The following CCDC102B variants were observed in gnomAD, a reference collection of about 807,000 sequenced individuals.
CCDC102B encodes coiled-coil domain-containing protein 102B.
CCDC102B carries 75 observed loss-of-function variants against 57.4 expected under a neutral mutation model. That is an observed-to-expected ratio of 1.31 (90% CI 1.08 to 1.58). The LOEUF is 1.58. CCDC102B is among the 40% of genes most tolerant of loss of function. The probability of loss-of-function intolerance (pLI) is 0.00; values close to 1 mark genes in which losing one functional copy is unlikely to be tolerated. For synonymous variants in CCDC102B, 206 were observed against 201.9 expected, an observed-to-expected ratio of 1.02 and a Z score of -0.17; for missense variants, 636 against 582.6, an observed-to-expected ratio of 1.09 and a Z score of -0.94.
chr18:68,876,746 T>A (rs945981429), intron 5 of CCDC102B, among the ~76,000 whole-genome samples: 1 of 152,186 alleles, frequency 6.6e-6, no homozygotes, highest in Non-Finnish European at 1.5e-5. Flanking sequence ...ATTCTGGGTT[T>A]ATATTGACAA....
At chr18:68,962,243 G>A (rs902006660) in intron 6 of CCDC102B, among the ~76,000 whole-genome samples, 1 of 152,014 alleles carries the variant, frequency 6.6e-6, no homozygotes, top group Non-Finnish European at 1.5e-5. Context: ...ACTCCTTGGA[G>A]TCTCCCTTGG....
intron 2 of CCDC102B, among the ~76,000 whole-genome samples, chr18:68,722,443 C>G (rs1230891743): frequency 6.6e-6 from 1 of 152,154 alleles, no homozygotes; most frequent in East Asian, 1.9e-4. Context: ...AGACACCCCA[C>G]CACCATGAAC....
chr18:68,892,412 T>C (rs909425738), intron 5 of CCDC102B, among the ~76,000 whole-genome samples: 3 of 152,188 alleles, frequency 2.0e-5, no homozygotes, highest in Non-Finnish European at 4.4e-5. Context: ...TTTTCTCTTC[T>C]GCACCATCCC....
intron 1 of CCDC102B, among the ~76,000 whole-genome samples, chr18:68,716,102 T>A (rs889720416): frequency 3.3e-5 from 5 of 151,612 alleles, no homozygotes; most frequent in Admixed American, 3.3e-4. Context: ...TTTCTTTTTC[T>A]TTCTCTTTTC....
chr18:68,825,437 C>T (rs1174523634), intron 1 of CCDC102B, among the ~76,000 whole-genome samples: 2 of 152,120 alleles, frequency 1.3e-5, no homozygotes, highest in Non-Finnish European at 2.9e-5. Context: ...GGTCTGTAAT[C>T]CCCGCACTTT....
intron 2 of CCDC102B, among the ~76,000 whole-genome samples, chr18:68,790,104 C>G (rs552849198): frequency 0.033 from 4,743 of 144,982 alleles, 189 homozygotes; most frequent in South Asian, 0.067. Context: ...AGGTGTCAGT[C>G]TGCCCCTGCT....
chr18:68,900,613 A>G (rs987743772), intron 6 of CCDC102B, among the ~76,000 whole-genome samples: 1 of 152,150 alleles, frequency 6.6e-6, no homozygotes, highest in South Asian at 2.1e-4. Context: ...AAAGTGGGGT[A>G]TACATGTCAC....
intron 2 of CCDC102B, among the ~76,000 whole-genome samples, chr18:68,723,959 A>G (rs1373150054): frequency 7.2e-5 from 11 of 152,194 alleles, no homozygotes; most frequent in Admixed American, 7.2e-4. Flanking sequence ...TGCCTCTGTA[A>G]CAAACTTCTG....
chr18:68,741,148 G>A (rs1168528528), intron 2 of CCDC102B, among the ~76,000 whole-genome samples: 5 of 152,216 alleles, frequency 3.3e-5, no homozygotes, highest in Non-Finnish European at 2.9e-5. Context: ...AGCGCAAATA[G>A]TGTTAACTTT....
intron 3 of CCDC102B, among the ~76,000 whole-genome samples, chr18:68,842,658 G>C (rs2037687481): frequency 6.6e-6 from 1 of 152,130 alleles, no homozygotes; most frequent in African/African-American, 2.4e-5. Flanking sequence ...TCCAGAGGCA[G>C]CGGTGGCCTC....
At chr18:68,739,145 C>T (rs1254181102) in intron 2 of CCDC102B, among the ~76,000 whole-genome samples, 1 of 152,084 alleles carries the variant, frequency 6.6e-6, no homozygotes, top group Non-Finnish European at 1.5e-5. Context: ...CAGGCATGTA[C>T]CACCATGCCC....
chr18:68,820,522 G>A (rs915233751), intron 1 of CCDC102B, among the ~76,000 whole-genome samples: 7 of 151,968 alleles, frequency 4.6e-5, no homozygotes, highest in African/African-American at 1.7e-4. Context: ...CTTGTTATCA[G>A]GGTTTTATTG....
intron 6 of CCDC102B, chr18:68,899,825 C>T (rs2040376590): frequency 6.6e-6 from 1 of 152,038 alleles, no homozygotes; most frequent in Admixed American, 6.6e-5. Context: ...ATAGAGAATG[C>T]ATTTTTAAAG....
chr18:68,818,465 C>T (rs556499122), intron 1 of CCDC102B, among the ~76,000 whole-genome samples: 17 of 152,210 alleles, frequency 1.1e-4, no homozygotes, highest in African/African-American at 2.6e-4. Flanking sequence ...AGAATACACC[C>T]ATGTAGCCAA....
intron 6 of CCDC102B, chr18:68,897,935 A>G (rs2040302024): frequency 9.3e-6 from 2 of 215,604 alleles, no homozygotes; most frequent in African/African-American, 4.8e-5. Flanking sequence ...TTTTTCAAAT[A>G]ATTTTTCCAG....
intron 1 of CCDC102B, among the ~76,000 whole-genome samples, chr18:68,810,080 A>AT (rs2036185601): frequency 6.6e-6 from 1 of 152,034 alleles, no homozygotes; most frequent in South Asian, 2.1e-4. Flanking sequence ...TTGTATAAAG[A>AT]TTTTTTAGTC....
At chr18:68,863,755 T>C (rs1242093755) in intron 4 of CCDC102B, among the ~76,000 whole-genome samples, 4 of 151,964 alleles carry the variant, frequency 2.6e-5, no homozygotes, top group Non-Finnish European at 5.9e-5. Flanking sequence ...AAGACATGGA[T>C]TTAAACTTAT....
At chr18:68,966,835 C>A (rs1177351790) in intron 6 of CCDC102B, among the ~76,000 whole-genome samples, 1 of 152,084 alleles carries the variant, frequency 6.6e-6, no homozygotes, top group Non-Finnish European at 1.5e-5. Context: ...CCTGCCCCTC[C>A]CTCCTCCAGA....
At chr18:69,024,988 A>G (rs1246443151) in intron 7 of CCDC102B, among the ~76,000 whole-genome samples, 2 of 152,102 alleles carry the variant, frequency 1.3e-5, no homozygotes, top group Non-Finnish European at 2.9e-5. Flanking sequence ...AGTCATGGAA[A>G]AGGTGATTTT....
Sources: gnomAD v4.1 joint callset for allele counts (sites outside exome capture counted in the v4.1 genomes callset) on GRCh38, gnomAD v4.1.1 for gene constraint, MANE v1.5 for transcripts, NCBI Gene and HGNC (gene_info 2026-07-23, HGNC 2026-07-21) for gene names.